The following RANGAP1 variants were observed in gnomAD, a reference collection of about 807,000 sequenced individuals.
The protein encoded by RANGAP1 is ran GTPase-activating protein 1.
In RANGAP1, 38 loss-of-function variants were observed where a neutral mutation model predicts 63.5. That is an observed-to-expected ratio of 0.60 (90% confidence interval 0.46 to 0.78). RANGAP1 has a LOEUF of 0.78. Among genes scored for constraint, RANGAP1 ranks in the 30% least tolerant of loss-of-function variants. The pLI is 0.00. For synonymous variants in RANGAP1, 329 were observed against 310.5 expected, an observed-to-expected ratio of 1.06 and a Z score of -0.63; for missense variants, 630 against 740.3, an observed-to-expected ratio of 0.85 and a Z score of 1.73.
chr22:41,291,891 ACT>A, the RANGAP1 span, among the ~76,000 whole-genome samples: 1 of 151,026 alleles, frequency 6.6e-6, no homozygotes, highest in African/African-American at 2.4e-5. Context: ...ACAGAGCGAG[ACT>A]CTGTCTCAAA....
At chr22:41,297,041 T>TA in the RANGAP1 span, among the ~76,000 whole-genome samples, 1 of 151,960 alleles carries the variant, frequency 6.6e-6, no homozygotes, top group African/African-American at 2.4e-5. Context: ...TGAAAACCGT[T>TA]ACTACCAAAA....
intron 4 of RANGAP1, among the ~76,000 whole-genome samples, chr22:41,265,494 G>T (rs914076912): frequency 6.6e-6 from 1 of 152,184 alleles, no homozygotes; most frequent in African/African-American, 2.4e-5. Flanking sequence ...GCCTGTTCAT[G>T]GAGCAGGGGA....
chr22:41,260,162 T>C (rs545851586), intron 6 of RANGAP1, among the ~76,000 whole-genome samples: 10 of 152,330 alleles, frequency 6.6e-5, no homozygotes, highest in South Asian at 2.1e-4. Context: ...AATAATAATG[T>C]TATTTTTTCC....
At chr22:41,297,808 A>G in the RANGAP1 span, among the ~76,000 whole-genome samples, 1 of 148,532 alleles carries the variant, frequency 6.7e-6, no homozygotes, top group Non-Finnish European at 1.5e-5. Context: ...CTCCTGGTTC[A>G]GCCTCCAGAG....
In RANGAP1 at chr22:41,249,903, G is replaced by C. The variant is rs117890877; in HGVS notation, c.1484-86C>G. 973 of 1,211,590 alleles carry C rather than the reference G, an allele frequency of 8.0e-4. 12 individuals carry two copies. The East Asian group carries it at 0.02, about 25-fold the overall frequency. 75.1% of individuals were successfully genotyped at this position (1,211,590 alleles called of 1,614,324 possible). ...CCCAGGGTTCCCCCAACACCGCGCA[G>C]ACACAGGCTCGCCTGCCTCCTCGCC... On this transcript the variant is annotated intron_variant, in intron 13 of 15. Transcript: ENST00000356244.
chr22:41,260,012 ATT>A (rs139514), intron 6 of RANGAP1, among the ~76,000 whole-genome samples: 1 of 146,764 alleles, frequency 6.8e-6, no homozygotes, highest in Non-Finnish European at 1.5e-5. Context: ...CCTCAATAAA[ATT>A]TTTTTTTTTT....
At chr22:41,288,909 C>G (rs1331736358), upstream of RANGAP1, among the ~76,000 whole-genome samples, 4 of 145,968 alleles carry the variant, frequency 2.7e-5, no homozygotes, top group South Asian at 8.6e-4. Flanking sequence ...TTCTGTCACT[C>G]CTATATCCTG....
chr22:41,254,412 C>T lies in RANGAP1; in HGVS notation c.1156G>A (p.Glu386Lys). The change falls in exon 11 of 16, where the codon GAG (glutamate) becomes AAG (lysine). Residue 386 changes from glutamate (E) to lysine (K), a missense_variant. Around this residue, in one of 3 missense-constraint regions of RANGAP1, gnomAD observed 428 missense variants for 465.5 expected, o/e 0.92. Transcript: ENST00000356244. ...TCCTCCTCCTCCTCTTCTTCCTCCT[C>T]TTCCTCATCTTCCTCCTCCTCTTCT... ...AEEEEEEDEEEEEEEEEEEEE... is the reference protein window; with the variant it reads ...AEEEEEEDEEKEEEEEEEEEE... The T allele has an allele frequency of 6.2e-7, 1 of 1,613,338 alleles. No individual in the cohort carries two copies. Among genetic ancestry groups the T allele is most frequent in the African/African-American group, 1.3e-5 (1 of 74,966 alleles).
chr22:41,270,739 C>A (rs2034759475), intron 3 of RANGAP1, among the ~76,000 whole-genome samples: 1 of 152,220 alleles, frequency 6.6e-6, no homozygotes, highest in African/African-American at 2.4e-5. Context: ...GAAAAATCCG[C>A]ATATCCACCA....
At chr22:41,258,724 G>C (rs2033992077) in intron 6 of RANGAP1, among the ~76,000 whole-genome samples, 1 of 151,834 alleles carries the variant, frequency 6.6e-6, no homozygotes, top group Non-Finnish European at 1.5e-5. Flanking sequence ...GCATGATCTT[G>C]GCTCATCGCA....
Position 41,254,295 on chromosome 22 carries a change from G to A in RANGAP1, c.1260+13C>T, listed in dbSNP as rs1319246353. On this transcript the variant is annotated intron_variant, in intron 11 of 15. Coordinates refer to ENST00000356244, the MANE Select transcript of RANGAP1 (RefSeq NM_002883.4). ...GACCAGGGCTCTGATTGTGGCAGAT[G>A]ATAGAAACTCACCCCAGTGTTAGGG... 38 of 1,613,934 alleles carry A rather than the reference G, an allele frequency of 2.4e-5. No individual in the cohort carries two copies. The highest frequency in any genetic ancestry group is 3.1e-5 in the Non-Finnish European group (37 of 1,179,988).
chr22:41,294,299 C>T, the RANGAP1 span, among the ~76,000 whole-genome samples: 3 of 152,240 alleles, frequency 2.0e-5, no homozygotes, highest in Non-Finnish European at 4.4e-5. Flanking sequence ...AGTGATGCAC[C>T]AGCCTCGGCC....
chr22:41,297,762 C>T, the RANGAP1 span, among the ~76,000 whole-genome samples: 1 of 146,930 alleles, frequency 6.8e-6, no homozygotes, highest in Non-Finnish European at 1.5e-5. Flanking sequence ...GTGATCTTGG[C>T]TCACTCCAAC....
At chr22:41,254,709 A>G in intron 10 of RANGAP1, 1 of 920,672 alleles carries the variant, frequency 1.1e-6, no homozygotes, top group Non-Finnish European at 1.3e-6. Context: ...GCGGTGGCTC[A>G]TGCCTGTAAT....
At chr22:41,256,910 T>A in intron 7 of RANGAP1, 86 bp from the exon 8 acceptor site, 1 of 969,762 alleles carries the variant, frequency 1.0e-6, no homozygotes, top group Non-Finnish European at 1.6e-6. Context: ...CACGGTCACA[T>A]CCCAAGCCAG....
Position 41,246,411 on chromosome 22 carries a change from C to T in RANGAP1, c.*192G>A. 1 of 588,008 alleles carries T rather than the reference C, an allele frequency of 1.7e-6. No homozygotes were observed. 36.4% of individuals were successfully genotyped at this position (588,008 alleles called of 1,614,324 possible). A position where few individuals can be genotyped will look rare whatever the true frequency, so the allele number is the denominator to read the frequency against. The stretch of plus-strand genomic sequence containing the variant: ...GAAGACGTTAAAACCCAAATCCCGA[C>T]AGGAGGCACAGACCTGCACATGCGC... On this transcript the variant is annotated 3_prime_UTR_variant, in exon 16 of 16. Transcript: ENST00000356244.
At chr22:41,300,744 T>G in the RANGAP1 span, among the ~76,000 whole-genome samples, 1 of 152,014 alleles carries the variant, frequency 6.6e-6, no homozygotes, top group Non-Finnish European at 1.5e-5. Context: ...GTGCTGAGAT[T>G]ACAGGCGTGA....
At chr22:41,288,683 T>C (rs2035801345), upstream of RANGAP1, among the ~76,000 whole-genome samples, 1 of 152,024 alleles carries the variant, frequency 6.6e-6, no homozygotes, top group Non-Finnish European at 1.5e-5. Context: ...CTCATCCAGC[T>C]GATAGGACAT....
chr22:41,246,903 C>A (rs12165504), intron 15 of RANGAP1, among the ~76,000 whole-genome samples: 6,306 of 152,282 alleles, frequency 0.041, 431 homozygotes, highest in African/African-American at 0.14. Context: ...ATGAAGGCCC[C>A]CTCAGCCAGG....
Sources: gnomAD v4.1 joint callset for allele counts (sites outside exome capture counted in the v4.1 genomes callset) on GRCh38, gnomAD v4.1.1 for gene constraint, gnomAD v4.1.1 regional missense constraint, MANE v1.5 for transcripts, NCBI Gene and HGNC (gene_info 2026-07-23, HGNC 2026-07-21) for gene names.